DNAJC1: variants seen among roughly 807,000 people sequenced by gnomAD.
The protein encoded by DNAJC1 is DnaJ heat shock protein family (Hsp40) member C1.
In DNAJC1, 58 loss-of-function variants were observed where a neutral mutation model predicts 76.6. The ratio of observed to expected loss-of-function variants is 0.76; its 90% CI spans 0.61 to 0.94. The LOEUF (loss-of-function observed/expected upper bound fraction) is 0.94. Ranked by LOEUF, DNAJC1 falls within the 40% of genes least tolerant of loss-of-function variation. The pLI is 0.00. For missense variants in DNAJC1, 689 were observed against 677.3 expected (o/e 1.02, Z -0.19); for synonymous variants, 258 against 267.9 (o/e 0.96, Z 0.36).
At chr10:22,000,090 C>T (rs986867873) in intron 1 of DNAJC1, among the ~76,000 whole-genome samples, 1 of 149,362 alleles carries the variant, frequency 6.7e-6, no homozygotes, top group African/African-American at 2.6e-5. Context: ...CTTCCAGTTA[C>T]TGAAGCCAAA....
chr10:21,915,624 A>T (rs1836939826), intron 6 of DNAJC1, among the ~76,000 whole-genome samples: 1 of 152,220 alleles, frequency 6.6e-6, no homozygotes, highest in Non-Finnish European at 1.5e-5. Flanking sequence ...TTTACTGTAT[A>T]CTTATAAGAG....
intron 1 of DNAJC1, among the ~76,000 whole-genome samples, chr10:21,938,948 T>C (rs759989933): frequency 4.6e-5 from 7 of 152,192 alleles, no homozygotes; most frequent in Non-Finnish European, 1.0e-4. Context: ...TGGAGTGCAG[T>C]CGTGTGACCT....
intron 1 of DNAJC1, among the ~76,000 whole-genome samples, chr10:22,002,147 A>G (rs1838527797): frequency 6.6e-6 from 1 of 152,226 alleles, no homozygotes; most frequent in Non-Finnish European, 1.5e-5. Context: ...ATTTATGATA[A>G]CCTATGGGGG....
intron 8 of DNAJC1, among the ~76,000 whole-genome samples, chr10:21,869,040 T>C (rs945330281): frequency 6.6e-6 from 1 of 152,120 alleles, no homozygotes; most frequent in East Asian, 1.9e-4. Flanking sequence ...CTTTTTGTAG[T>C]GGCCCTACAA....
chr10:21,893,457 A>C (rs1590036947), intron 7 of DNAJC1, among the ~76,000 whole-genome samples: 3 of 151,802 alleles, frequency 2.0e-5, no homozygotes, highest in African/African-American at 7.2e-5. Context: ...GTAAAACCTT[A>C]TCTCTACTAA....
chr10:21,986,870 C>T (rs1353833080), intron 1 of DNAJC1, among the ~76,000 whole-genome samples: 2 of 152,054 alleles, frequency 1.3e-5, no homozygotes, highest in Admixed American at 1.3e-4. Context: ...CAGGTTCAAG[C>T]GATTCTCCTG....
intron 1 of DNAJC1, among the ~76,000 whole-genome samples, chr10:21,994,502 A>C (rs1203457315): frequency 6.6e-6 from 1 of 152,140 alleles, no homozygotes; most frequent in African/African-American, 2.4e-5. Flanking sequence ...TAAACATAAG[A>C]AGTTGGCCAG....
chr10:21,808,515 T>C (rs1020990220), intron 8 of DNAJC1, among the ~76,000 whole-genome samples: 2 of 152,182 alleles, frequency 1.3e-5, no homozygotes, highest in African/African-American at 4.8e-5. Context: ...GGCTCGATAG[T>C]GACTAGGGCC....
chr10:21,996,307 G>T (rs1838414633), intron 1 of DNAJC1, among the ~76,000 whole-genome samples: 1 of 152,188 alleles, frequency 6.6e-6, no homozygotes. Context: ...GGAATAAGCA[G>T]TTCACTGAGA....
intron 1 of DNAJC1, among the ~76,000 whole-genome samples, chr10:21,986,345 T>C (rs962490251): frequency 6.6e-6 from 1 of 152,260 alleles, no homozygotes; most frequent in Non-Finnish European, 1.5e-5. Flanking sequence ...ATTACAGCTA[T>C]GCTAGTGGGC....
At chr10:21,958,677 C>T (rs1207313915) in intron 1 of DNAJC1, among the ~76,000 whole-genome samples, 7 of 152,120 alleles carry the variant, frequency 4.6e-5, no homozygotes, top group Admixed American at 3.3e-4. Context: ...CCACCTGCCT[C>T]GGCCTCCCAA....
Position 21,789,619 on chromosome 10 carries a change from G to GA in DNAJC1, c.1098+16360dup, listed in dbSNP as rs910174270. On this transcript the variant is annotated intron_variant, in intron 9 of 11. Coordinates refer to ENST00000376980, the MANE Select transcript of DNAJC1 (RefSeq NM_022365.4). ...CAGATAGATAATTCAACAAAACTAGGAAAAAAAATCATGATATAAATTAGA... is the reference window on the plus strand; with the variant it reads ...CAGATAGATAATTCAACAAAACTAGGAAAAAAAAATCATGATATAAATTAGA... Among the ~76,000 whole-genome samples, 15 of 150,984 alleles carry GA rather than the reference G, an allele frequency of 9.9e-5. 1 individual carries two copies. The highest frequency in any genetic ancestry group is 8.5e-4 in the South Asian group (4 of 4,732).
At chr10:21,928,991 G>C (rs888263084) in intron 2 of DNAJC1, 49 bp downstream of exon 2, 2 of 1,168,510 alleles carry the variant, frequency 1.7e-6, no homozygotes, top group Admixed American at 2.4e-5. Context: ...CCATCGACAT[G>C]TTAATACATT....
At chr10:21,802,617 T>A (rs1453574411) in intron 9 of DNAJC1, among the ~76,000 whole-genome samples, 1 of 152,132 alleles carries the variant, frequency 6.6e-6, no homozygotes, top group Non-Finnish European at 1.5e-5. Context: ...TAGCCACCTG[T>A]CTTTTGTTTT....
In DNAJC1 at chr10:21,882,342, T is replaced by C; in HGVS notation, c.918A>G (p.Glu306=). ...AATCATCCATTTGTTCCTCAATTTC[T>C]TCTATGGAAGTTCCATGATCATAAG... ...IQSYDHGTSI[E]EIEEQMDDWL... Residue 306 remains glutamate (E), a synonymous_variant, in exon 8 of 12, where the codon GAA becomes GAG. Transcript: ENST00000376980. 6.2e-7 allele frequency: 1 copy of C among 1,605,234 alleles called. No homozygotes were observed. Among genetic ancestry groups the C allele is most frequent in the Non-Finnish European group, 8.5e-7 (1 of 1,177,244 alleles).
intron 8 of DNAJC1, among the ~76,000 whole-genome samples, chr10:21,844,752 T>C (rs1221961532): frequency 6.6e-6 from 1 of 152,196 alleles, no homozygotes; most frequent in Non-Finnish European, 1.5e-5. Flanking sequence ...AATAGATTTT[T>C]GGCTGTGCAC....
At chr10:21,984,811 T>TA (rs901411174) in intron 1 of DNAJC1, among the ~76,000 whole-genome samples, 1 of 152,114 alleles carries the variant, frequency 6.6e-6, no homozygotes, top group African/African-American at 2.4e-5. Flanking sequence ...ATATCAAAAC[T>TA]AAAAACATAG....
chr10:21,893,062 C>A (rs1194627459), intron 7 of DNAJC1, among the ~76,000 whole-genome samples: 69 of 152,236 alleles, frequency 4.5e-4, no homozygotes, highest in Non-Finnish European at 1.9e-4. Context: ...TTCACCACAG[C>A]AGAATACACA....
chr10:21,935,144 T>C (rs1487825651), intron 1 of DNAJC1, among the ~76,000 whole-genome samples: 2 of 152,090 alleles, frequency 1.3e-5, no homozygotes, highest in Non-Finnish European at 2.9e-5. Flanking sequence ...TAATAGAAAT[T>C]ATCCCTGAGG....
Sources: allele counts gnomAD v4.1 joint callset (sites outside exome capture counted in the v4.1 genomes callset), GRCh38; gene constraint gnomAD v4.1.1; transcripts MANE v1.5; gene names NCBI Gene and HGNC (gene_info 2026-07-23, HGNC 2026-07-21).